The following LPP variants were observed in gnomAD, a reference collection of about 807,000 sequenced individuals.
LPP encodes the protein LIM domain containing preferred translocation partner in lipoma.
Under a neutral mutation model 60.4 loss-of-function variants are expected in LPP, and 38 were observed. The observed-to-expected ratio is 0.63, with a 90% CI of 0.49 to 0.83. The LOEUF is 0.83. Among genes scored for constraint, LPP ranks in the 40% least tolerant of loss-of-function variants. The pLI, the probability that LPP is intolerant of heterozygous loss-of-function variation, is 0.00. For missense variants in LPP, 902 were observed against 783.6 expected, an observed-to-expected ratio of 1.15 and a Z score of -1.80; for synonymous variants, 328 against 290.8, an observed-to-expected ratio of 1.13 and a Z score of -1.30.
intron 4 of LPP, among the ~76,000 whole-genome samples, chr3:188,449,143 G>A (rs1260305906): frequency 6.6e-5 from 10 of 152,254 alleles, no homozygotes; most frequent in East Asian, 1.9e-4. Flanking sequence ...TTTACTGCAC[G>A]TCTGTTGACA....
rs1461645701 is a variant in LPP, at chr3:188,609,755, C to A, written c.1024C>A (p.Pro342Thr). The change falls in exon 7 of 12, where the codon CCT becomes ACT. Residue 342 changes from proline to threonine, a missense_variant. By Grantham distance (38) the Pro-to-Thr change is conservative (BLOSUM62 -1). Transcript: ENST00000617246. The surrounding 1 kb of genome is among the most constrained non-coding windows in gnomAD (Gnocchi z 6.9). ...YTPPGAGNQNPPGMYPVTGPK... is the reference protein window; with the variant it reads ...YTPPGAGNQNTPGMYPVTGPK... ...TCCTCCTGGAGCAGGGAACCAGAAC[C>A]CTCCTGGGATGTATCCAGTCACTGG... 1 of 1,614,090 alleles carries A rather than the reference C, an allele frequency of 6.2e-7. No individual in the cohort carries two copies. Among genetic ancestry groups the A allele is most frequent in the South Asian group, 1.1e-5 (1 of 91,090 alleles).
rs1790472146 is a variant in LPP at position 188,429,925 on chromosome 3, T to TA, written c.193+23613dup. ...TTTTCTACACCATGTCAGGCTTCCT[T>TA]ATAGCACTGTTATATGTGGCCGTAT... On this transcript the variant is annotated intron_variant, in intron 4 of 11. Coordinates refer to ENST00000617246, the MANE Select transcript of LPP (RefSeq NM_001375462.1). Among the ~76,000 whole-genome samples, 7 of 152,192 alleles carry TA rather than the reference T, an allele frequency of 4.6e-5. No individual in the cohort carries two copies. In the South Asian group the frequency reaches 1.4e-3, roughly 31 times the overall value.
At chr3:188,159,201 G>A (rs567896460) in intron 1 of LPP, among the ~76,000 whole-genome samples, 4 of 152,108 alleles carry the variant, frequency 2.6e-5, no homozygotes, top group African/African-American at 7.2e-5. Flanking sequence ...CTCCGGTAAC[G>A]GTGCTATATG....
chr3:188,215,324 AAG>A (rs1335252837), intron 1 of LPP, among the ~76,000 whole-genome samples: 1 of 152,230 alleles, frequency 6.6e-6, no homozygotes, highest in South Asian at 2.1e-4. Context: ...AAAAAAAAAA[AAG>A]AGTACAGTTC....
intron 2 of LPP, among the ~76,000 whole-genome samples, chr3:188,319,362 A>G (rs1756266576): frequency 6.6e-6 from 1 of 152,184 alleles, no homozygotes; most frequent in Admixed American, 6.5e-5. Context: ...TCAGTTACCA[A>G]TTCCTTATTT....
At chr3:188,393,159 A>G (rs1390970573) in intron 3 of LPP, among the ~76,000 whole-genome samples, 1 of 151,846 alleles carries the variant, frequency 6.6e-6, no homozygotes, top group Non-Finnish European at 1.5e-5. Flanking sequence ...ATATAATTGA[A>G]GTAAACACTC....
chr3:188,475,190 C>T (rs933315457), intron 4 of LPP, among the ~76,000 whole-genome samples: 1 of 152,146 alleles, frequency 6.6e-6, no homozygotes, highest in East Asian at 1.9e-4. Context: ...TCTGTATTAG[C>T]TAAATATGGA....
At chr3:188,338,739 A>G (rs1211324992) in intron 2 of LPP, among the ~76,000 whole-genome samples, 1 of 152,184 alleles carries the variant, frequency 6.6e-6, no homozygotes, top group African/African-American at 2.4e-5. Flanking sequence ...ATACTCTTAT[A>G]TTGCTTATTG....
chr3:188,170,898 G>C (rs939290326), intron 1 of LPP, among the ~76,000 whole-genome samples: 1 of 152,096 alleles, frequency 6.6e-6, no homozygotes, highest in African/African-American at 2.4e-5. Context: ...CCAGCAGATG[G>C]AACATGCTAG....
intron 1 of LPP, among the ~76,000 whole-genome samples, chr3:188,189,372 G>A (rs1397114975): frequency 1.3e-5 from 2 of 152,230 alleles, no homozygotes; most frequent in Non-Finnish European, 2.9e-5. Flanking sequence ...ACAGGCATGA[G>A]CCACCGCACT....
At chr3:188,760,373 C>G in intron 9 of LPP, 91 bp downstream of exon 9, 1 of 1,360,096 alleles carries the variant, frequency 7.4e-7, no homozygotes, top group Non-Finnish European at 1.0e-6. Context: ...GCCATCAGAT[C>G]TTTGCTTCTT....
At chr3:188,207,604 TTTCTTTTCTTTTTC>T (rs1259263230) in intron 1 of LPP, among the ~76,000 whole-genome samples, 1 of 151,366 alleles carries the variant, frequency 6.6e-6, no homozygotes, top group African/African-American at 2.4e-5. Flanking sequence ...GGTTCAAATC[TTTCTTTTCTTTTTC>T]TTCTTTTTTT....
intron 1 of LPP, among the ~76,000 whole-genome samples, chr3:188,174,230 C>G (rs1261159924): frequency 3.3e-5 from 5 of 152,212 alleles, no homozygotes; most frequent in Non-Finnish European, 5.9e-5. Context: ...GTTTGAGTAT[C>G]TGATAAGCAG....
At chr3:188,579,759 A>C (rs1309485684) in intron 6 of LPP, among the ~76,000 whole-genome samples, 1 of 151,254 alleles carries the variant, frequency 6.6e-6, no homozygotes, top group East Asian at 2.0e-4. Context: ...CAGGAGTTTG[A>C]GACCAGCCTG....
intron 6 of LPP, among the ~76,000 whole-genome samples, chr3:188,590,528 C>A (rs1242491447): frequency 1.3e-5 from 2 of 152,032 alleles, no homozygotes; most frequent in Non-Finnish European, 2.9e-5. Context: ...GAGCTGAGAT[C>A]GCGTCACTGC....
intron 8 of LPP, among the ~76,000 whole-genome samples, chr3:188,754,726 G>GTA (rs1225006097): frequency 6.6e-6 from 1 of 152,024 alleles, no homozygotes; most frequent in Non-Finnish European, 1.5e-5. Flanking sequence ...CTGTCCTAGA[G>GTA]TATAAGCAGT....
chr3:188,573,786 G>A (rs1271877158), intron 6 of LPP, among the ~76,000 whole-genome samples: 4 of 152,070 alleles, frequency 2.6e-5, no homozygotes, highest in African/African-American at 9.7e-5. Flanking sequence ...AGTGACCAGG[G>A]GAGGGCCAGA....
intron 6 of LPP, among the ~76,000 whole-genome samples, chr3:188,599,751 G>GAGGGGTGTGT (rs1553938530): frequency 2.2e-4 from 31 of 139,906 alleles, no homozygotes; most frequent in African/African-American, 8.3e-4. Flanking sequence ...ACTCGTTAGG[G>GAGGGGTGTGT]GTGTGTGTGT....
At chr3:188,800,046 T>A (rs1746546586) in intron 9 of LPP, among the ~76,000 whole-genome samples, 1 of 152,120 alleles carries the variant, frequency 6.6e-6, no homozygotes, top group African/African-American at 2.4e-5. Flanking sequence ...TAAGAATGTA[T>A]GCTTGATATA....
Sources: allele counts gnomAD v4.1 joint callset (sites outside exome capture counted in the v4.1 genomes callset), GRCh38; gene constraint gnomAD v4.1.1; non-coding constraint Gnocchi (gnomAD v3.1); transcripts MANE v1.5; gene names NCBI Gene and HGNC (gene_info 2026-07-23, HGNC 2026-07-21).